Variants in PIEZO2 observed in about 807,000 individuals in gnomAD.
The protein encoded by PIEZO2 is piezo type mechanosensitive ion channel component 2.
In PIEZO2, 172 loss-of-function variants were observed where a neutral mutation model predicts 337.3. That is an observed-to-expected ratio of 0.51 (90% CI 0.45 to 0.58). The LOEUF is 0.58. Ranked by LOEUF, PIEZO2 falls within the 20% of genes least tolerant of loss-of-function variation. The pLI is 0.00. For missense variants in PIEZO2, 3,028 were observed against 3,391.3 expected, an observed-to-expected ratio of 0.89 and a Z score of 2.66; for synonymous variants, 1,251 against 1,228.5, an observed-to-expected ratio of 1.02 and a Z score of -0.38.
intron 29 of PIEZO2, among the ~76,000 whole-genome samples, chr18:10,749,320 C>T (rs1287027821): frequency 1.3e-5 from 2 of 151,964 alleles, no homozygotes; most frequent in Admixed American, 6.6e-5. Flanking sequence ...AGTGGTGCAG[C>T]TACTCAGGAG....
At position 11,069,159 on chromosome 18, in the gene PIEZO2, T is replaced by C. The variant is rs1465350489; in HGVS notation, c.65-2937A>G. 6.6e-6 allele frequency among the ~76,000 whole-genome samples: 1 copy of C among 152,208 alleles called. No homozygotes were observed. The highest frequency in any genetic ancestry group is 1.5e-5 in the Non-Finnish European group (1 of 68,044). On this transcript the variant is annotated intron_variant, in intron 1 of 55. Coordinates refer to ENST00000674853, the MANE Select transcript of PIEZO2 (RefSeq NM_001378183.1). The surrounding 1 kb of genome is among the most constrained non-coding windows in gnomAD (Gnocchi z 4.9). ...TCCAAGAAAATTAAAGAAGAGGGAA[T>C]ACTTGCAAAGTCATCCTATGTGGTC...
chr18:10,981,441 A>C (rs1459084203), intron 2 of PIEZO2, among the ~76,000 whole-genome samples: 1 of 152,220 alleles, frequency 6.6e-6, no homozygotes, highest in Non-Finnish European at 1.5e-5. Context: ...AATTAATGTA[A>C]TTCACCGTAT....
intron 21 of PIEZO2, among the ~76,000 whole-genome samples, chr18:10,765,702 G>C (rs2143917544): frequency 6.6e-6 from 1 of 151,694 alleles, no homozygotes; most frequent in East Asian, 2.0e-4. Flanking sequence ...AGAGAGTAGT[G>C]AGTTGACACA....
chr18:10,924,513 G>A (rs994390712), intron 3 of PIEZO2, among the ~76,000 whole-genome samples: 5 of 152,266 alleles, frequency 3.3e-5, no homozygotes, highest in Non-Finnish European at 7.4e-5. Flanking sequence ...TGTCATTTGT[G>A]CAGAAGTTCA....
At chr18:10,810,995 T>C (rs1474920346) in intron 7 of PIEZO2, among the ~76,000 whole-genome samples, 1 of 152,224 alleles carries the variant, frequency 6.6e-6, no homozygotes, top group East Asian at 1.9e-4. Flanking sequence ...TGGCCTATCA[T>C]CTGAACCTTC....
rs144234408 is a variant in PIEZO2, at chr18:11,081,427, C to T, written c.65-15205G>A. On this transcript the variant is annotated intron_variant, in intron 1 of 55. Coordinates refer to ENST00000674853, the MANE Select transcript of PIEZO2 (RefSeq NM_001378183.1). ...AATTGTAATCCCAGTCGAGCAAGTC[C>T]ATTGATATCCTAAGCCTCAAGGTAA... is the stretch of plus-strand genomic sequence containing the variant. Among the ~76,000 whole-genome samples, 230 of 152,310 alleles carry T rather than the reference C, an allele frequency of 1.5e-3. 2 individuals carry two copies. Among genetic ancestry groups the T allele is most frequent in the African/African-American group, 5.3e-3 (221 of 41,556 alleles).
intron 27 of PIEZO2, 91 bp from the exon 28 acceptor site, chr18:10,752,970 G>C (rs1472753391): frequency 5.0e-6 from 7 of 1,409,574 alleles, no homozygotes; most frequent in Admixed American, 2.4e-5. Context: ...AGAAATTCAT[G>C]CTCTCTGCTG....
intron 3 of PIEZO2, among the ~76,000 whole-genome samples, chr18:10,960,312 A>G (rs2033709512): frequency 6.6e-6 from 1 of 152,192 alleles, no homozygotes; most frequent in South Asian, 2.1e-4. Flanking sequence ...TATACATTCA[A>G]TGTTTATCTT....
At chr18:10,864,313 A>G (rs2041951237) in intron 5 of PIEZO2, among the ~76,000 whole-genome samples, 1 of 152,126 alleles carries the variant, frequency 6.6e-6, no homozygotes, top group Admixed American at 6.5e-5. Flanking sequence ...TGGGATAACA[A>G]ATGAAAATCC....
intron 1 of PIEZO2, among the ~76,000 whole-genome samples, chr18:11,085,844 GA>G (rs11356011): frequency 0.59 from 84,003 of 142,464 alleles, 25,810 homozygotes; most frequent in African/African-American, 0.81. Flanking sequence ...GGCAAGAAAG[GA>G]AAAAAAAAAA....
At position 10,705,484 on chromosome 18, in the gene PIEZO2, C is replaced by G. The variant is rs770251243; in HGVS notation, c.5851G>C (p.Glu1951Gln). The G allele has an allele frequency of 4.6e-6, 7 of 1,537,118 alleles. No homozygotes were observed. Among genetic ancestry groups the G allele is most frequent in the African/African-American group, 1.4e-5 (1 of 73,038 alleles). Residue 1951 changes from glutamate (E) to glutamine (Q), a missense_variant, in exon 41 of 56, where the codon GAG becomes CAG. Coordinates refer to ENST00000674853, the MANE Select transcript of PIEZO2 (RefSeq NM_001378183.1). ...TCCTGCGAGCCGAAGGACAGATGCT[C>G]GAAGCTCACAGCCTTGCTGTAGGAG... Reference protein sequence around the residue: ...PPSYSKAVSFEHLSFGSQDDS... With the variant: ...PPSYSKAVSFQHLSFGSQDDS...
rs569494354 is a variant in PIEZO2, at chr18:10,930,584, T to C, written c.287-19356A>G. On this transcript the variant is annotated intron_variant, in intron 3 of 55. Transcript: ENST00000674853. ...CTCAGGACCTCCTGAGGCTGTGTCA[T>C]AGGTCATGATCCTTAGCCTTGGCAA... is the stretch of plus-strand genomic sequence containing the variant. Among the ~76,000 whole-genome samples, 6 of 152,338 alleles carry C rather than the reference T, an allele frequency of 3.9e-5. No homozygotes were observed. In the East Asian group the frequency reaches 9.6e-4, roughly 24 times the overall value.
At chr18:11,051,778 T>C (rs990309634) in intron 2 of PIEZO2, among the ~76,000 whole-genome samples, 1 of 152,248 alleles carries the variant, frequency 6.6e-6, no homozygotes, top group Non-Finnish European at 1.5e-5. Context: ...GTAGTTCTTG[T>C]TGAAACCAAC....
intron 27 of PIEZO2, among the ~76,000 whole-genome samples, chr18:10,756,913 T>G: frequency 1.1e-5 from 1 of 90,156 alleles, no homozygotes; most frequent in Non-Finnish European, 2.1e-5. Flanking sequence ...GGAATGGGGA[T>G]ACGGATGAGG....
intron 4 of PIEZO2, among the ~76,000 whole-genome samples, chr18:10,875,273 A>C (rs550188006): frequency 4.1e-4 from 63 of 152,300 alleles, no homozygotes; most frequent in African/African-American, 1.5e-3. Flanking sequence ...GCTTCATCCA[A>C]ACTACATTTA....
In PIEZO2 at chr18:10,750,439, T is replaced by C. The variant is rs1286776106; in HGVS notation, c.4168-252A>G. Among the ~76,000 whole-genome samples the C allele has an allele frequency of 2.0e-5, 3 of 152,188 alleles. No homozygotes were observed. The highest frequency in any genetic ancestry group is 4.4e-5 in the Non-Finnish European group (3 of 68,038). On this transcript the variant is annotated intron_variant, in intron 28 of 55. Coordinates refer to ENST00000674853, the MANE Select transcript of PIEZO2 (RefSeq NM_001378183.1). The surrounding 1 kb of genome is among the most constrained non-coding windows in gnomAD (Gnocchi z 4.1). ...TGTTTTCTGTACTTGGAAGCACCAG[T>C]TTATCAAGAAGAAATCTTGGACGAT...
chr18:10,916,341 G>A (rs539079489), intron 3 of PIEZO2, among the ~76,000 whole-genome samples: 161 of 152,314 alleles, frequency 1.1e-3, no homozygotes, highest in African/African-American at 2.6e-3. Flanking sequence ...AGCAGGGGGC[G>A]GCGCCTGTAG....
chr18:10,990,031 G>A (rs1379934630), intron 2 of PIEZO2, among the ~76,000 whole-genome samples: 2 of 151,988 alleles, frequency 1.3e-5, no homozygotes, highest in Non-Finnish European at 2.9e-5. Context: ...GCAGGGAATT[G>A]GAGATATACT....
chr18:10,702,478 T>C (rs1266319810), intron 42 of PIEZO2, among the ~76,000 whole-genome samples: 1 of 152,248 alleles, frequency 6.6e-6, no homozygotes. Context: ...TATACTTATT[T>C]AATTAGATAT....
Sources: allele counts gnomAD v4.1 joint callset (sites outside exome capture counted in the v4.1 genomes callset), GRCh38; gene constraint gnomAD v4.1.1; non-coding constraint Gnocchi (gnomAD v3.1); transcripts MANE v1.5; gene names NCBI Gene and HGNC (gene_info 2026-07-23, HGNC 2026-07-21).